The following CAVIN4 variants were observed in gnomAD, a reference collection of about 807,000 sequenced individuals.
CAVIN4 encodes the protein caveolae associated protein 4.
In CAVIN4, 10 loss-of-function variants were observed where a neutral mutation model predicts 18.6. That is an observed-to-expected ratio of 0.54 (90% CI 0.33 to 0.91). CAVIN4 has a LOEUF of 0.91. CAVIN4 is among the 40% of genes least tolerant of loss of function. The probability of loss-of-function intolerance (pLI) is 0.02; values close to 1 mark genes in which losing one functional copy is unlikely to be tolerated. For synonymous variants in CAVIN4, 173 were observed against 164.8 expected, an observed-to-expected ratio of 1.05 and a Z score of -0.38; for missense variants, 459 against 440.5, an observed-to-expected ratio of 1.04 and a Z score of -0.38.
chr9:100,581,339 C>T (rs1037324299), intron 1 of CAVIN4: 5 of 152,374 alleles, frequency 3.3e-5, no homozygotes, highest in African/African-American at 1.2e-4. Flanking sequence ...CCCTGGCAAT[C>T]AGTGGGTTAA....
At position 100,578,522 on chromosome 9, in the gene CAVIN4, A is replaced by G; in HGVS notation, c.379A>G (p.Lys127Glu). ...VEVKQEEIMK[K>E]NKFRVVIFQE... ...AGTCAAGCAAGAGGAAATAATGAAG[A>G]AAAACAAATTCCGCGTGGTAATATT... The change falls in exon 1 of 2, where the codon AAA becomes GAA. Residue 127 changes from lysine to glutamate, a missense_variant. Coordinates refer to ENST00000307584, the MANE Select transcript of CAVIN4 (RefSeq NM_001018116.2). 6.2e-7 allele frequency: 1 copy of G among 1,613,562 alleles called. No individual in the cohort carries two copies. Among genetic ancestry groups the G allele is most frequent in the Non-Finnish European group, 8.5e-7 (1 of 1,179,960 alleles).
chr9:100,583,616 T>C (rs112350441), intron 1 of CAVIN4, among the ~76,000 whole-genome samples: 1,439 of 141,970 alleles, frequency 0.01, 12 homozygotes, highest in Middle Eastern at 0.05. Context: ...GCAAGCCATT[T>C]ATTCATTCAT....
intron 1 of CAVIN4, among the ~76,000 whole-genome samples, chr9:100,582,788 A>G (rs1839441223): frequency 6.6e-6 from 1 of 152,082 alleles, no homozygotes; most frequent in Non-Finnish European, 1.5e-5. Flanking sequence ...TAACACCCAT[A>G]TTCAAAAATT....
chr9:100,577,812 T>A (rs1209583553), upstream of CAVIN4, among the ~76,000 whole-genome samples: 2 of 152,208 alleles, frequency 1.3e-5, no homozygotes, highest in Admixed American at 1.3e-4. Flanking sequence ...TGGAGTTTGC[T>A]TTTTTGATCA....
chr9:100,578,740 G>C (rs768824571), intron 1 of CAVIN4, among the ~76,000 whole-genome samples, 189 bp downstream of exon 1: 34 of 152,208 alleles, frequency 2.2e-4, no homozygotes, highest in Middle Eastern at 3.4e-3. Flanking sequence ...CTGTCATTTC[G>C]GTATTTTGAG....
chr9:100,586,549 T>C lies in CAVIN4; in HGVS notation c.*98T>C, dbSNP rs545238894. 3.7e-6 allele frequency: 3 copies of C among 807,138 alleles called. No homozygotes were observed. Among genetic ancestry groups the C allele is most frequent in the Non-Finnish European group, 5.6e-6 (3 of 533,344 alleles). 50.0% of individuals were successfully genotyped at this position (807,138 alleles called of 1,614,324 possible). ...CATTTCTGTGCCATGTAGGAAAACA[T>C]AAATGTATTTTTTTTCTTATATTTA... is the stretch of plus-strand genomic sequence containing the variant. On this transcript the variant is annotated 3_prime_UTR_variant, in exon 2 of 2. Coordinates refer to ENST00000307584, the MANE Select transcript of CAVIN4 (RefSeq NM_001018116.2).
At chr9:100,578,003 A>G, upstream of CAVIN4, 1 of 723,002 alleles carries the variant, frequency 1.4e-6, no homozygotes, top group African/African-American at 1.8e-5. Context: ...GGGTATTTGT[A>G]GTTATAAATA....
intron 1 of CAVIN4, among the ~76,000 whole-genome samples, chr9:100,584,070 A>C: frequency 6.6e-6 from 1 of 150,958 alleles, no homozygotes; most frequent in African/African-American, 2.4e-5. Flanking sequence ...CCCTTTCATC[A>C]CTCTGCTGTC....
chr9:100,586,228 A>G lies in CAVIN4; in HGVS notation c.872A>G (p.Glu291Gly). 6.4e-7 allele frequency: 1 copy of G among 1,566,248 alleles called. No homozygotes were observed. The highest frequency in any genetic ancestry group is 8.6e-7 in the Non-Finnish European group (1 of 1,157,202). The change falls in exon 2 of 2, where the codon GAG becomes GGG. Residue 291 changes from glutamate to glycine, a missense_variant. Glu to Gly is a moderately conservative substitution (Grantham distance 98). Transcript: ENST00000307584. The part of the protein sequence containing the change: ...TVAEGEECAR[E>G]MGVDIIARSE... The stretch of plus-strand genomic sequence containing the variant: ...GCTGAAGGTGAGGAATGTGCCAGGG[A>G]GATGGGTGTGGACATCATTGCCAGG...
intron 1 of CAVIN4, chr9:100,581,529 C>A (rs1839427412): frequency 1.3e-5 from 2 of 152,180 alleles, no homozygotes. Context: ...CATCTACAAT[C>A]TTCAGTTATT....
At chr9:100,582,604 A>C (rs1839439706) in intron 1 of CAVIN4, among the ~76,000 whole-genome samples, 1 of 152,018 alleles carries the variant, frequency 6.6e-6, no homozygotes, top group Admixed American at 6.6e-5. Context: ...AAATGTTGGG[A>C]TTATAGGCAT....
rs761560442 is a variant in CAVIN4, at chr9:100,578,305, A to G, written c.162A>G (p.Ile54Met). 3.0e-5 allele frequency: 49 copies of G among 1,614,104 alleles called. No individual in the cohort carries two copies. Among genetic ancestry groups the G allele is most frequent in the Non-Finnish European group, 4.2e-5 (49 of 1,179,984 alleles). ...VDSVQASQKR[I>M]EERHREMENA... Reference sequence around the variant, plus strand: ...GTGTGCAGGCAAGCCAGAAGAGAATAGAAGAGAGACACAGGGAAATGGAAA... The same window carrying G: ...GTGTGCAGGCAAGCCAGAAGAGAATGGAAGAGAGACACAGGGAAATGGAAA... Residue 54 changes from isoleucine (I) to methionine (M), a missense_variant, in exon 1 of 2, where the codon ATA (isoleucine) becomes ATG (methionine). Coordinates refer to ENST00000307584, the MANE Select transcript of CAVIN4 (RefSeq NM_001018116.2).
At position 100,586,465 on chromosome 9, in the gene CAVIN4, A is replaced by G. The variant is rs368039947; in HGVS notation, c.*14A>G. On this transcript the variant is annotated 3_prime_UTR_variant, in exon 2 of 2. Coordinates refer to ENST00000307584, the MANE Select transcript of CAVIN4 (RefSeq NM_001018116.2). ...CACTCATCGTAAAGAGGAATTAAGT[A>G]TATCCTAAATATGAATCTCCTAATC... The G allele has an allele frequency of 2.4e-5, 39 of 1,597,892 alleles. No homozygotes were observed. The African/African-American group carries it at 4.6e-4, about 19-fold the overall frequency.
At chr9:100,585,708 G>A in intron 1 of CAVIN4, 57 bp from the exon 2 acceptor site, 1 of 1,366,034 alleles carries the variant, frequency 7.3e-7, no homozygotes, top group South Asian at 1.2e-5. Flanking sequence ...GAAGGTAAAA[G>A]AGCTGCTCTA....
At position 100,586,839 on chromosome 9, in the gene CAVIN4, A is replaced by G. The variant is rs1054733906; in HGVS notation, c.*388A>G. 6.4e-6 allele frequency: 1 copy of G among 156,780 alleles called. No homozygotes were observed. The highest frequency in any genetic ancestry group is 2.4e-5 in the African/African-American group (1 of 41,540). 9.7% of individuals were successfully genotyped at this position (156,780 alleles called of 1,614,324 possible). A position where few individuals can be genotyped will look rare whatever the true frequency, so the allele number is the denominator to read the frequency against. ...AGATCAACAGATTTGTTAGTAAATT[A>G]GCAGTCACACCCCTTTTTTGATGCT... On this transcript the variant is annotated 3_prime_UTR_variant, in exon 2 of 2. Coordinates refer to ENST00000307584, the MANE Select transcript of CAVIN4 (RefSeq NM_001018116.2).
rs906906409 is a variant in CAVIN4, at chr9:100,588,259, A to G, written c.*1808A>G. Among the ~76,000 whole-genome samples, 2 of 152,238 alleles carry G rather than the reference A, an allele frequency of 1.3e-5. No homozygotes were observed. Among genetic ancestry groups the G allele is most frequent in the Non-Finnish European group, 2.9e-5 (2 of 68,044 alleles). On this transcript the variant is annotated 3_prime_UTR_variant, in exon 2 of 2. Coordinates refer to ENST00000307584, the MANE Select transcript of CAVIN4 (RefSeq NM_001018116.2). ...TTGTTACCTTTTTATATTGAAAACT[A>G]AAGTGTATACAACATTGGATAACAC...
At chr9:100,581,081 A>G (rs774137835) in intron 1 of CAVIN4, 6 of 152,218 alleles carry the variant, frequency 3.9e-5, no homozygotes, top group Admixed American at 6.5e-5. Context: ...CGAACATACT[A>G]TATCTTCACT....
In CAVIN4 at chr9:100,587,793, G is replaced by A. The variant is rs1295302322; in HGVS notation, c.*1342G>A. 1 of 152,234 alleles carries A rather than the reference G, an allele frequency of 6.6e-6. No homozygotes were observed. Among genetic ancestry groups the A allele is most frequent in the East Asian group, 1.9e-4 (1 of 5,196 alleles). 9.4% of individuals were successfully genotyped at this position (152,234 alleles called of 1,614,324 possible). A position where few individuals can be genotyped will look rare whatever the true frequency, so the allele number is the denominator to read the frequency against. On this transcript the variant is annotated 3_prime_UTR_variant, in exon 2 of 2. Transcript: ENST00000307584. ...CTGTCCCAGCTACTCAGGAGGCTGA[G>A]ACAGGAGAATTGCCTGAACCCAGGA... is the stretch of plus-strand genomic sequence containing the variant.
Position 100,578,472 on chromosome 9 carries a change from A to G in CAVIN4, c.329A>G (p.Gln110Arg). Reference sequence around the variant, plus strand: ...GATGTGAAAGCCCGGGTGGAGAAGCAACAAATTCATGTTAAAAAAGTTGAA... The same window carrying G: ...GATGTGAAAGCCCGGGTGGAGAAGCGACAAATTCATGTTAAAAAAGTTGAA... ...IKDVKARVEKQQIHVKKVEVK... is the reference protein window; with the variant it reads ...IKDVKARVEKRQIHVKKVEVK... The change falls in exon 1 of 2, where the codon CAA (glutamine) becomes CGA (arginine). Residue 110 changes from glutamine to arginine, a missense_variant. Physicochemically the swap from Gln to Arg is conservative, Grantham distance 43. Coordinates refer to ENST00000307584, the MANE Select transcript of CAVIN4 (RefSeq NM_001018116.2). The G allele has an allele frequency of 2.5e-6, 4 of 1,614,066 alleles. No individual in the cohort carries two copies. The highest frequency in any genetic ancestry group is 3.4e-6 in the Non-Finnish European group (4 of 1,179,978).
Sources: gnomAD v4.1 joint callset for allele counts (sites outside exome capture counted in the v4.1 genomes callset) on GRCh38, gnomAD v4.1.1 for gene constraint, MANE v1.5 for transcripts, NCBI Gene and HGNC (gene_info 2026-07-23, HGNC 2026-07-21) for gene names.